C9orf40: variants seen among roughly 807,000 people sequenced by gnomAD.
C9orf40 encodes the protein chromosome 9 open reading frame 40, also known as uncharacterized protein C9orf40.
Under a neutral mutation model 7.9 loss-of-function variants are expected in C9orf40, and 2 were observed. That is an observed-to-expected ratio of 0.25 (90% CI 0.10 to 0.80). The LOEUF is 0.80. C9orf40 is among the 30% of genes least tolerant of loss of function. C9orf40 has a pLI of 0.68. For missense variants in C9orf40, 256 were observed against 268.5 expected (o/e 0.95, Z 0.33); for synonymous variants, 113 against 117.6 (o/e 0.96, Z 0.25).
Position 74,947,907 on chromosome 9 carries a change from A to C in C9orf40, c.*141T>G. 1.3e-6 allele frequency: 1 copy of C among 794,946 alleles called. No homozygotes were observed. The highest frequency in any genetic ancestry group is 2.0e-6 in the Non-Finnish European group (1 of 498,168). 49.2% of individuals were successfully genotyped at this position (794,946 alleles called of 1,614,324 possible). ...GTTCAGTAGTAACTGTAGGTATTTAATGTCAGAACAATCTTTCTTCATTTC... is the reference window on the plus strand; with the variant it reads ...GTTCAGTAGTAACTGTAGGTATTTACTGTCAGAACAATCTTTCTTCATTTC... On this transcript the variant is annotated 3_prime_UTR_variant, in exon 2 of 2. Coordinates refer to ENST00000376854, the MANE Select transcript of C9orf40 (RefSeq NM_017998.3).
rs1421276000 is a variant in C9orf40, at chr9:74,952,368, G to GGGC, written c.241_243dup (p.Ala81dup). ...TGGTCCTCACGCTCCTGGCCGCTCG[G>GGGC]GGCGCTGTTGTCCCCGCTGTCACGG... On this transcript the variant is annotated inframe_insertion, in exon 1 of 2. Coordinates refer to ENST00000376854, the MANE Select transcript of C9orf40 (RefSeq NM_017998.3). This position sits in a 1 kb window ranked among gnomAD's most constrained non-coding sequence, Gnocchi z 5.4. 6.4e-7 allele frequency: 1 copy of GGGC among 1,560,550 alleles called. No homozygotes were observed. The highest frequency in any genetic ancestry group is 8.6e-7 in the Non-Finnish European group (1 of 1,162,574).
Position 74,952,317 on chromosome 9 carries a change from G to C in C9orf40, c.295C>G (p.Leu99Val), listed in dbSNP as rs1209712334. The C allele has an allele frequency of 7.2e-6, 10 of 1,392,950 alleles. No individual in the cohort carries two copies. Among genetic ancestry groups the C allele is most frequent in the Admixed American group, 3.0e-5 (1 of 33,124 alleles). The allele number at this position is 1,392,950 out of a possible 1,614,324, so 86.3% of individuals were successfully genotyped here. ...CCCGGCAGTACGGGCGGCGGCGGCA[G>C]CGGCGGATCGCCTGTCTCCAGACCG... ...DHGLETGDPPLPPPPVLPGPG... is the reference protein window; with the variant it reads ...DHGLETGDPPVPPPPVLPGPG... The change falls in exon 1 of 2, where the codon CTG (leucine) becomes GTG (valine). Residue 99 changes from leucine to valine, a missense_variant. Coordinates refer to ENST00000376854, the MANE Select transcript of C9orf40 (RefSeq NM_017998.3). The surrounding 1 kb of genome is among the most constrained non-coding windows in gnomAD (Gnocchi z 5.4).
In C9orf40 at chr9:74,952,322, G is replaced by T. The variant is rs756272114; in HGVS notation, c.290C>A (p.Pro97Gln). Reference sequence around the variant, plus strand: ...CAGTACGGGCGGCGGCGGCAGCGGCGGATCGCCTGTCTCCAGACCGTGGTC... The same window carrying T: ...CAGTACGGGCGGCGGCGGCAGCGGCTGATCGCCTGTCTCCAGACCGTGGTC... ...REDHGLETGDPPLPPPPVLPG... is the reference protein window; with the variant it reads ...REDHGLETGDQPLPPPPVLPG... The change falls in exon 1 of 2, where the codon CCG (proline) becomes CAG (glutamine). Residue 97 changes from proline (P) to glutamine (Q), a missense_variant. Pro to Gln is a moderately conservative substitution (Grantham distance 76). Transcript: ENST00000376854. The surrounding 1 kb of genome is among the most constrained non-coding windows in gnomAD (Gnocchi z 5.4). The T allele has an allele frequency of 2.9e-6, 4 of 1,402,054 alleles. No individual in the cohort carries two copies. The highest frequency in any genetic ancestry group is 2.3e-4 in the Middle Eastern group (1 of 4,330). 86.9% of individuals were successfully genotyped at this position (1,402,054 alleles called of 1,614,324 possible).
Position 74,952,325 on chromosome 9 carries a change from T to A in C9orf40, c.287A>T (p.Asp96Val), listed in dbSNP as rs549614864. 2 of 1,407,552 alleles carry A rather than the reference T, an allele frequency of 1.4e-6. No individual in the cohort carries two copies. Among genetic ancestry groups the A allele is most frequent in the African/African-American group, 3.0e-5 (2 of 67,528 alleles). The allele number at this position is 1,407,552 out of a possible 1,614,324, so 87.2% of individuals were successfully genotyped here. The change falls in exon 1 of 2, where the codon GAT becomes GTT. Residue 96 changes from aspartate (D) to valine (V), a missense_variant. By Grantham distance (152) the Asp-to-Val change is radical. Coordinates refer to ENST00000376854, the MANE Select transcript of C9orf40 (RefSeq NM_017998.3). The surrounding 1 kb of genome is among the most constrained non-coding windows in gnomAD (Gnocchi z 5.4). Reference protein sequence around the residue: ...EREDHGLETGDPPLPPPPVLP... With the variant: ...EREDHGLETGVPPLPPPPVLP... Reference sequence around the variant, plus strand: ...TACGGGCGGCGGCGGCAGCGGCGGATCGCCTGTCTCCAGACCGTGGTCCTC... The same window carrying A: ...TACGGGCGGCGGCGGCAGCGGCGGAACGCCTGTCTCCAGACCGTGGTCCTC...
chr9:74,949,986 A>C (rs540607991), intron 1 of C9orf40, among the ~76,000 whole-genome samples: 25 of 148,656 alleles, frequency 1.7e-4, no homozygotes, highest in East Asian at 9.8e-4. Flanking sequence ...CATCTCCACA[A>C]AAAAAAAAAA....
At chr9:74,951,234 C>G (rs3824346) in intron 1 of C9orf40, among the ~76,000 whole-genome samples, 8,251 of 152,152 alleles carry the variant, frequency 0.054, 424 homozygotes, top group East Asian at 0.26. Flanking sequence ...TGAATAAAAA[C>G]CCGCCAATGA....
At position 74,952,412 on chromosome 9, in the gene C9orf40, G is replaced by C. The variant is rs145798184; in HGVS notation, c.200C>G (p.Ser67Trp). ...GTCACGGCGCTTGCTGGGCGAAGCCGAGGGCTCTGCCATGGTCCCTGCGTC... is the reference window on the plus strand; with the variant it reads ...GTCACGGCGCTTGCTGGGCGAAGCCCAGGGCTCTGCCATGGTCCCTGCGTC... ...KIDAGTMAEP[S>W]ASPSKRRDSG... The change falls in exon 1 of 2, where the codon TCG becomes TGG. Residue 67 changes from serine (S) to tryptophan (W), a missense_variant. Physicochemically the swap from Ser to Trp is radical, Grantham distance 177. Coordinates refer to ENST00000376854, the MANE Select transcript of C9orf40 (RefSeq NM_017998.3). The surrounding 1 kb of genome is among the most constrained non-coding windows in gnomAD (Gnocchi z 5.4). 2 of 1,589,906 alleles carry C rather than the reference G, an allele frequency of 1.3e-6. No individual in the cohort carries two copies. The highest frequency in any genetic ancestry group is 2.3e-5 in the East Asian group (1 of 43,392).
intron 1 of C9orf40, among the ~76,000 whole-genome samples, chr9:74,951,279 CT>C (rs1832292193): frequency 7.4e-6 from 1 of 135,690 alleles, no homozygotes; most frequent in East Asian, 2.3e-4. Context: ...AATTAATTTT[CT>C]TTTTTCTTTC....
chr9:74,950,590 T>C (rs1276417901), intron 1 of C9orf40, among the ~76,000 whole-genome samples: 1 of 138,186 alleles, frequency 7.2e-6, no homozygotes, highest in Non-Finnish European at 1.6e-5. Context: ...GTTTCAACCA[T>C]AGGAAAAAAA....
rs1832316375 is a variant in C9orf40, at chr9:74,952,547, C to T, written c.65G>A (p.Cys22Tyr). The change falls in exon 1 of 2, where the codon TGC becomes TAC. Residue 22 changes from cysteine to tyrosine, a missense_variant. Coordinates refer to ENST00000376854, the MANE Select transcript of C9orf40 (RefSeq NM_017998.3). This position sits in a 1 kb window ranked among gnomAD's most constrained non-coding sequence, Gnocchi z 5.4. ...TGGCGGCGGCTGCTCAGCGAAGTCG[C>T]AAAGCAGGAGCCGCTTCCAAGGCAC... ...FHVPWKRLLLCDFAEQPPPPP... is the reference protein window; with the variant it reads ...FHVPWKRLLLYDFAEQPPPPP... The T allele has an allele frequency of 6.3e-7, 1 of 1,587,756 alleles. No homozygotes were observed. The highest frequency in any genetic ancestry group is 1.1e-5 in the South Asian group (1 of 89,518).
At chr9:74,949,086 C>A (rs1481280159) in intron 1 of C9orf40, among the ~76,000 whole-genome samples, 1 of 152,212 alleles carries the variant, frequency 6.6e-6, no homozygotes, top group Admixed American at 6.5e-5. Flanking sequence ...CCCACTAACT[C>A]TGATCTTGAC....
chr9:74,948,967 T>C (rs1490797238), intron 1 of C9orf40, among the ~76,000 whole-genome samples: 1 of 152,178 alleles, frequency 6.6e-6, no homozygotes, highest in Non-Finnish European at 1.5e-5. Context: ...TATCTACTTA[T>C]AAACATGGAC....
chr9:74,949,368 AAAACAAAC>A (rs1263255945), intron 1 of C9orf40, among the ~76,000 whole-genome samples: 1 of 152,226 alleles, frequency 6.6e-6, no homozygotes, highest in African/African-American at 2.4e-5. Flanking sequence ...CAATTTATGA[AAAACAAAC>A]AAATAAACAA....
In C9orf40 at chr9:74,952,455, G is replaced by A; in HGVS notation, c.157C>T (p.His53Tyr). ...AGQLLGVPEQHRKRKIDAGTM... is the reference protein window; with the variant it reads ...AGQLLGVPEQYRKRKIDAGTM... Reference sequence around the variant, plus strand: ...CCTGCGTCGATTTTGCGCTTTCGGTGCTGCTCTGGGACGCCGAGGAGCTGC... The same window carrying A: ...CCTGCGTCGATTTTGCGCTTTCGGTACTGCTCTGGGACGCCGAGGAGCTGC... Residue 53 changes from histidine to tyrosine, a missense_variant, in exon 1 of 2, where the codon CAC (histidine) becomes TAC (tyrosine). Physicochemically the swap from His to Tyr is moderately conservative, Grantham distance 83 (BLOSUM62 2). Coordinates refer to ENST00000376854, the MANE Select transcript of C9orf40 (RefSeq NM_017998.3). This position sits in a 1 kb window ranked among gnomAD's most constrained non-coding sequence, Gnocchi z 5.4. 6.2e-7 allele frequency: 1 copy of A among 1,600,342 alleles called. No individual in the cohort carries two copies.
In C9orf40 at chr9:74,947,780, CTTCAA is replaced by C. The variant is rs1832258209; in HGVS notation, c.*263_*267del. 1 of 263,194 alleles carries C rather than the reference CTTCAA, an allele frequency of 3.8e-6. No individual in the cohort carries two copies. Among genetic ancestry groups the C allele is most frequent in the Non-Finnish European group, 7.1e-6 (1 of 141,164 alleles). The allele number at this position is 263,194 out of a possible 1,614,324, so 16.3% of individuals were successfully genotyped here. A position where few individuals can be genotyped will look rare whatever the true frequency, so the allele number is the denominator to read the frequency against. On this transcript the variant is annotated 3_prime_UTR_variant, in exon 2 of 2. Coordinates refer to ENST00000376854, the MANE Select transcript of C9orf40 (RefSeq NM_017998.3). ...GAATTTCTTTTTATAAGATCAGTAC[CTTCAA>C]TTCTAGAATTTAAACAAAACTTTTT...
At position 74,952,459 on chromosome 9, in the gene C9orf40, C is replaced by G. The variant is rs1311729050; in HGVS notation, c.153G>C (p.Glu51Asp). ...CGTCGATTTTGCGCTTTCGGTGCTG[C>G]TCTGGGACGCCGAGGAGCTGCCCAG... ...AHAGQLLGVP[E>D]QHRKRKIDAG... Residue 51 changes from glutamate to aspartate, a missense_variant, in exon 1 of 2, where the codon GAG (glutamate) becomes GAC (aspartate). Transcript: ENST00000376854. This position sits in a 1 kb window ranked among gnomAD's most constrained non-coding sequence, Gnocchi z 5.4. 2 of 1,600,442 alleles carry G rather than the reference C, an allele frequency of 1.2e-6. No individual in the cohort carries two copies. Among genetic ancestry groups the G allele is most frequent in the Non-Finnish European group, 1.7e-6 (2 of 1,178,532 alleles).
Position 74,952,160 on chromosome 9 carries a change from TCAGCCCA to T in C9orf40, c.426+19_426+25del. ...GGGAAAAGGCAAGCCCCTTCGCCCCTCAGCCCACCCGCCCCCAGCCCCTACCTGGCGC... is the reference window on the plus strand; with the variant it reads ...GGGAAAAGGCAAGCCCCTTCGCCCCTCCCGCCCCCAGCCCCTACCTGGCGC... On this transcript the variant is annotated intron_variant, in intron 1 of 1. Coordinates refer to ENST00000376854, the MANE Select transcript of C9orf40 (RefSeq NM_017998.3). This position sits in a 1 kb window ranked among gnomAD's most constrained non-coding sequence, Gnocchi z 5.4. 3.7e-6 allele frequency: 1 copy of T among 268,974 alleles called. No individual in the cohort carries two copies. 16.7% of individuals were successfully genotyped at this position (268,974 alleles called of 1,614,324 possible).
chr9:74,952,131 T>C lies in C9orf40; in HGVS notation c.426+55A>G. On this transcript the variant is annotated intron_variant, in intron 1 of 1. Transcript: ENST00000376854. The surrounding 1 kb of genome is among the most constrained non-coding windows in gnomAD (Gnocchi z 5.4). The stretch of plus-strand genomic sequence containing the variant: ...AGTGGGAACCGGGGCGTTTTGTGTG[T>C]GTGGGGAAAAGGCAAGCCCCTTCGC... The C allele has an allele frequency of 1.6e-6, 1 of 606,328 alleles. No homozygotes were observed. The highest frequency in any genetic ancestry group is 2.4e-6 in the Non-Finnish European group (1 of 414,892). The allele number at this position is 606,328 out of a possible 1,614,324, so 37.6% of individuals were successfully genotyped here. A position where few individuals can be genotyped will look rare whatever the true frequency, so the allele number is the denominator to read the frequency against.
In C9orf40 at chr9:74,952,135, G is replaced by T; in HGVS notation, c.426+51C>A. The T allele has an allele frequency of 1.6e-6, 1 of 644,448 alleles. No homozygotes were observed. The highest frequency in any genetic ancestry group is 2.2e-6 in the Non-Finnish European group (1 of 449,250). 39.9% of individuals were successfully genotyped at this position (644,448 alleles called of 1,614,324 possible). A position where few individuals can be genotyped will look rare whatever the true frequency, so the allele number is the denominator to read the frequency against. ...GGAACCGGGGCGTTTTGTGTGTGTG[G>T]GGAAAAGGCAAGCCCCTTCGCCCCT... On this transcript the variant is annotated intron_variant, in intron 1 of 1. Transcript: ENST00000376854. The surrounding 1 kb of genome is among the most constrained non-coding windows in gnomAD (Gnocchi z 5.4).
Sources: gnomAD v4.1 joint callset for allele counts (sites outside exome capture counted in the v4.1 genomes callset) on GRCh38, gnomAD v4.1.1 for gene constraint, Gnocchi (gnomAD v3.1) non-coding constraint, MANE v1.5 for transcripts, NCBI Gene and HGNC (gene_info 2026-07-23, HGNC 2026-07-21) for gene names.